KIF14: variants seen among roughly 807,000 people sequenced by gnomAD.
KIF14 encodes kinesin-like protein KIF14.
In KIF14, 98 loss-of-function variants were observed where a neutral mutation model predicts 176.2. The ratio of observed to expected loss-of-function variants is 0.56; its 90% CI spans 0.47 to 0.66. The LOEUF is 0.66. Ranked by LOEUF, KIF14 falls within the 30% of genes least tolerant of loss-of-function variation. The pLI is 0.00. For missense variants in KIF14, 1,751 were observed against 1,920.4 expected (o/e 0.91, Z 1.65); for synonymous variants, 566 against 632.2 (o/e 0.90, Z 1.57).
At chr1:200,603,126 C>A in intron 10 of KIF14, 100 bp downstream of exon 10, 1 of 656,164 alleles carries the variant, frequency 1.5e-6, no homozygotes, top group Non-Finnish European at 2.5e-6. Context: ...ATGCTTACCA[C>A]CTTTCTCCAT....
intron 4 of KIF14, among the ~76,000 whole-genome samples, chr1:200,613,664 C>A (rs759656539): frequency 3.0e-4 from 46 of 152,126 alleles, no homozygotes; most frequent in Non-Finnish European, 6.6e-4. Context: ...TGACTCAGAA[C>A]CCCCAGAAGA....
intron 13 of KIF14, among the ~76,000 whole-genome samples, chr1:200,598,806 G>A (rs1398560622): frequency 6.6e-6 from 1 of 151,996 alleles, no homozygotes; most frequent in African/African-American, 2.4e-5. Flanking sequence ...TGATCCACCC[G>A]CCTCAGCCTC....
chr1:200,612,480 T>C (rs1221850289), intron 4 of KIF14, among the ~76,000 whole-genome samples: 2 of 152,172 alleles, frequency 1.3e-5, no homozygotes, highest in East Asian at 3.9e-4. Flanking sequence ...GGAGAGCCAA[T>C]AGAGAACTCT....
intron 22 of KIF14, among the ~76,000 whole-genome samples, chr1:200,572,056 C>T (rs1400825377): frequency 6.6e-6 from 1 of 152,160 alleles, no homozygotes; most frequent in Non-Finnish European, 1.5e-5. Flanking sequence ...GTTTCCATTA[C>T]CTGCAGGCAT....
At chr1:200,612,080 G>A (rs1334417462) in intron 4 of KIF14, among the ~76,000 whole-genome samples, 1 of 151,328 alleles carries the variant, frequency 6.6e-6, no homozygotes, top group African/African-American at 2.4e-5. Context: ...TCAGCTCAGT[G>A]CAATGTCCGC....
chr1:200,610,279 T>C (rs1250025397), intron 4 of KIF14, among the ~76,000 whole-genome samples: 2 of 152,114 alleles, frequency 1.3e-5, no homozygotes, highest in Non-Finnish European at 2.9e-5. Context: ...GGCAGGTGGA[T>C]TACGAGGTCA....
intron 21 of KIF14, among the ~76,000 whole-genome samples, chr1:200,576,747 G>A (rs1276073566): frequency 1.3e-5 from 2 of 152,050 alleles, no homozygotes; most frequent in Non-Finnish European, 2.9e-5. Context: ...AGCCTTTTTG[G>A]ATTTTCTATT....
At chr1:200,577,616 G>A (rs1230579133) in intron 21 of KIF14, among the ~76,000 whole-genome samples, 1 of 150,926 alleles carries the variant, frequency 6.6e-6, no homozygotes, top group African/African-American at 2.4e-5. Context: ...CAGGAGAATC[G>A]CTTGAACCCG....
intron 25 of KIF14, among the ~76,000 whole-genome samples, chr1:200,562,949 C>T (rs1657242767): frequency 6.6e-6 from 1 of 152,152 alleles, no homozygotes; most frequent in Admixed American, 6.5e-5. Context: ...CTTCTTAGAG[C>T]TAACTGTCCA....
Position 200,598,408 on chromosome 1 carries a change from A to T in KIF14, c.2378T>A (p.Met793Lys), listed in dbSNP as rs1659469608. 6.2e-7 allele frequency: 1 copy of T among 1,605,136 alleles called. No individual in the cohort carries two copies. The highest frequency in any genetic ancestry group is 1.7e-5 in the Admixed American group (1 of 57,622). The change falls in exon 14 of 30, where the codon ATG (methionine) becomes AAG (lysine). Residue 793 changes from methionine to lysine, a missense_variant. Transcript: ENST00000367350. ...ETKELQKAGI[M>K]FQMDNHLPNL... Reference sequence around the variant, plus strand: ...TGGTAAATGATTGTCCATTTGAAACATAATTCCTGCTTTCTGGTAGAAGTC... The same window carrying T: ...TGGTAAATGATTGTCCATTTGAAACTTAATTCCTGCTTTCTGGTAGAAGTC...
Position 200,564,881 on chromosome 1 carries a change from A to G in KIF14, c.4071+188T>C, listed in dbSNP as rs7518491. ...ATTTGTAAATCACTTAGAACTACTC[A>G]TACATAGAGAGCCATGTAAGTCTTT... On this transcript the variant is annotated intron_variant, in intron 25 of 29. Transcript: ENST00000367350. Among the ~76,000 whole-genome samples, 85,748 of 152,082 alleles carry G rather than the reference A, an allele frequency of 0.56. 24,909 individuals are homozygous for G. Among genetic ancestry groups the G allele is most frequent in the East Asian group, 0.69 (3,579 of 5,182 alleles).
Position 200,618,063 on chromosome 1 carries a change from TG to T in KIF14, c.660del (p.Ile221LeufsTer4). The T allele has an allele frequency of 6.2e-7, 1 of 1,614,128 alleles. No homozygotes were observed. Among genetic ancestry groups the T allele is most frequent in the Non-Finnish European group, 8.5e-7 (1 of 1,180,014 alleles). ...ACTTCAGTCTGACTCAGGGAAGCAA[TG>T]GGTGGTCTATTACTTGAGTACTTAA... ...VALKYSSNRPPIASLSQTEVV... is the reference protein window; with the variant it reads ...VALKYSSNRPXIASLSQTEVV... On this transcript the variant is annotated frameshift_variant, in exon 2 of 30. Coordinates refer to ENST00000367350, the MANE Select transcript of KIF14 (RefSeq NM_014875.3). LOFTEE classifies it high-confidence loss of function.
intron 27 of KIF14, among the ~76,000 whole-genome samples, chr1:200,556,196 C>G (rs568794106): frequency 6.6e-6 from 1 of 152,120 alleles, no homozygotes; most frequent in African/African-American, 2.4e-5. Flanking sequence ...AATGCTGCCC[C>G]CTAAGGTGCT....
chr1:200,596,561 CTTTTTTTTT>C (rs60386347), intron 14 of KIF14, among the ~76,000 whole-genome samples: 6 of 102,730 alleles, frequency 5.8e-5, no homozygotes, highest in African/African-American at 1.9e-4. Flanking sequence ...GTACAACAGT[CTTTTTTTTT>C]TTTTTTTTTT....
At chr1:200,590,361 T>C in intron 16 of KIF14, 89 bp from the exon 17 acceptor site, 1 of 1,136,762 alleles carries the variant, frequency 8.8e-7, no homozygotes. Context: ...AGTTTTCCAT[T>C]GAATGAAAGT....
At chr1:200,573,423 A>ATTTTTTTTTTTTTTTTTT (rs1657921825) in intron 22 of KIF14, among the ~76,000 whole-genome samples, 3 of 84,430 alleles carry the variant, frequency 3.6e-5, no homozygotes, top group African/African-American at 1.2e-4. Flanking sequence ...CAAGGAGCTC[A>ATTTTTTTTTTTTTTTTTT]TTTCTTTTTT....
chr1:200,567,670 C>T (rs192105274), intron 23 of KIF14, among the ~76,000 whole-genome samples: 39 of 151,930 alleles, frequency 2.6e-4, no homozygotes, highest in Admixed American at 9.2e-4. Flanking sequence ...CTGGAAATAA[C>T]TTTATCCTGG....
At chr1:200,595,979 T>C (rs1489535927) in intron 14 of KIF14, among the ~76,000 whole-genome samples, 1 of 135,474 alleles carries the variant, frequency 7.4e-6, no homozygotes, top group Non-Finnish European at 1.6e-5. Flanking sequence ...TACAGGCCGG[T>C]CGTGGTAGCT....
intron 21 of KIF14, among the ~76,000 whole-genome samples, chr1:200,578,256 C>T (rs1274618188): frequency 2.6e-5 from 4 of 151,932 alleles, no homozygotes; most frequent in Non-Finnish European, 5.9e-5. Context: ...CCTTTCATTG[C>T]TTTCCTTTGT....
Sources: allele counts gnomAD v4.1 joint callset (sites outside exome capture counted in the v4.1 genomes callset), GRCh38; gene constraint gnomAD v4.1.1; transcripts MANE v1.5; gene names NCBI Gene and HGNC (gene_info 2026-07-23, HGNC 2026-07-21).